Variants in ZC3H12D observed in about 807,000 individuals in gnomAD.
ZC3H12D encodes zinc finger CCCH-type containing 12D, also known as probable ribonuclease ZC3H12D.
Under a neutral mutation model 24.2 loss-of-function variants are expected in ZC3H12D, and 11 were observed. That is an observed-to-expected ratio of 0.46 (90% CI 0.29 to 0.75). The LOEUF (loss-of-function observed/expected upper bound fraction) is 0.75. ZC3H12D is among the 30% of genes least tolerant of loss of function. The probability of loss-of-function intolerance (pLI) is 0.11; values close to 1 mark genes in which losing one functional copy is unlikely to be tolerated. For missense variants in ZC3H12D, 740 were observed against 767.7 expected, an observed-to-expected ratio of 0.96 and a Z score of 0.43; for synonymous variants, 333 against 341.8, an observed-to-expected ratio of 0.97 and a Z score of 0.28.
At chr6:149,475,083 A>G (rs1776314956) in intron 1 of ZC3H12D, among the ~76,000 whole-genome samples, 1 of 152,204 alleles carries the variant, frequency 6.6e-6, no homozygotes, top group East Asian at 1.9e-4. Context: ...AAATTTGAAC[A>G]CATAACACAC....
chr6:149,456,623 G>GGGGGA lies in ZC3H12D; in HGVS notation c.680+42_680+43insTCCCC. The GGGGGA allele has an allele frequency of 1.3e-6, 1 of 744,590 alleles. No individual in the cohort carries two copies. Among genetic ancestry groups the GGGGGA allele is most frequent in the Non-Finnish European group, 2.2e-6 (1 of 456,108 alleles). 46.1% of individuals were successfully genotyped at this position (744,590 alleles called of 1,614,324 possible). A position where few individuals can be genotyped will look rare whatever the true frequency, so the allele number is the denominator to read the frequency against. Reference sequence around the variant, plus strand: ...GCCACTGCCTCGACCCCGGCCCCCCGCCCCGCCGCCCCCCAGGGTGTCAGG... The same window carrying GGGGGA: ...GCCACTGCCTCGACCCCGGCCCCCCGGGGGACCCCGCCGCCCCCCAGGGTGTCAGG... On this transcript the variant is annotated intron_variant, in intron 4 of 5. Coordinates refer to ENST00000409806, the MANE Select transcript of ZC3H12D (RefSeq NM_207360.3). This position sits in a 1 kb window ranked among gnomAD's most constrained non-coding sequence, Gnocchi z 4.3.
intron 5 of ZC3H12D, among the ~76,000 whole-genome samples, chr6:149,451,934 G>A (rs1775905034): frequency 6.6e-6 from 1 of 152,212 alleles, no homozygotes; most frequent in Admixed American, 6.5e-5. Context: ...ACCGTTCTCC[G>A]TGTTCGCTGT....
chr6:149,474,757 A>G (rs1449911820), intron 1 of ZC3H12D, 144 bp from the exon 2 acceptor site: 17 of 425,800 alleles, frequency 4.0e-5, no homozygotes, highest in South Asian at 1.7e-4. Flanking sequence ...CAGTTGCTCA[A>G]TGTGGCTGTG....
chr6:149,458,111 C>CTTTTTTTTTTCTTTTTTTTTTT (rs1776013561), intron 3 of ZC3H12D, among the ~76,000 whole-genome samples: 1 of 80,240 alleles, frequency 1.2e-5, no homozygotes, highest in Non-Finnish European at 2.4e-5. Flanking sequence ...CTTTCTTTTT[C>CTTTTTTTTTTCTTTTTTTTTTT]TTTTTTTTTT....
At chr6:149,473,831 C>T (rs1006484008) in intron 2 of ZC3H12D, among the ~76,000 whole-genome samples, 2 of 152,064 alleles carry the variant, frequency 1.3e-5, no homozygotes, top group Non-Finnish European at 2.9e-5. Context: ...GTCTCGCAGC[C>T]GGTTAGGGAC....
At chr6:149,474,895 G>A (rs1157406710) in intron 1 of ZC3H12D, among the ~76,000 whole-genome samples, 1 of 152,192 alleles carries the variant, frequency 6.6e-6, no homozygotes, top group Non-Finnish European at 1.5e-5. Context: ...CTAGCACTCG[G>A]GACAGGCCAA....
Position 149,450,517 on chromosome 6 carries a change from G to A in ZC3H12D, c.*166C>T. 1 of 710,728 alleles carries A rather than the reference G, an allele frequency of 1.4e-6. No homozygotes were observed. Among genetic ancestry groups the A allele is most frequent in the East Asian group, 3.0e-5 (1 of 33,196 alleles). 44.0% of individuals were successfully genotyped at this position (710,728 alleles called of 1,614,324 possible). On this transcript the variant is annotated 3_prime_UTR_variant, in exon 6 of 6. Coordinates refer to ENST00000409806, the MANE Select transcript of ZC3H12D (RefSeq NM_207360.3). ...AGTGAGGATCACCAAGTGCCACCAG[G>A]CCCCCACAACCCCGCTCAGGAGGAG... is the stretch of plus-strand genomic sequence containing the variant.
Position 149,450,958 on chromosome 6 carries a change from A to C in ZC3H12D, c.1309T>G (p.Trp437Gly). ...LSPRRPPDDP[W>G]ARPPRSDRFP... ...CGGTCGGAGCGGGGTGGACGGGCCC[A>C]CGGGTCGTCGGGTGGCCTGCGCGGG... is the stretch of plus-strand genomic sequence containing the variant. The change falls in exon 6 of 6, where the codon TGG becomes GGG. Residue 437 changes from tryptophan (W) to glycine (G), a missense_variant. By Grantham distance (184) the Trp-to-Gly change is radical. Transcript: ENST00000409806. The C allele has an allele frequency of 1.3e-6, 2 of 1,530,884 alleles. No individual in the cohort carries two copies. The highest frequency in any genetic ancestry group is 1.8e-6 in the Non-Finnish European group (2 of 1,141,096). 94.8% of individuals were successfully genotyped at this position (1,530,884 alleles called of 1,614,324 possible). A position where few individuals can be genotyped will look rare whatever the true frequency, so the allele number is the denominator to read the frequency against.
Position 149,459,699 on chromosome 6 carries a change from C to T in ZC3H12D, c.445+2132G>A, listed in dbSNP as rs566301394. The T allele has an allele frequency of 5.6e-5, 40 of 717,828 alleles. 1 individual carries two copies. The highest frequency in any genetic ancestry group is 3.8e-4 in the African/African-American group (22 of 57,382). The allele number at this position is 717,828 out of a possible 1,614,324, so 44.5% of individuals were successfully genotyped here. On this transcript the variant is annotated intron_variant, in intron 3 of 5. Transcript: ENST00000409806. Reference sequence around the variant, plus strand: ...TATCCCTATAAAGAAAGTGAAGCTACAACTAGGAAGGAAGAAGCCTCCCAT... The same window carrying T: ...TATCCCTATAAAGAAAGTGAAGCTATAACTAGGAAGGAAGAAGCCTCCCAT...
At chr6:149,483,716 T>G (rs1453423330) in intron 1 of ZC3H12D, among the ~76,000 whole-genome samples, 3 of 151,922 alleles carry the variant, frequency 2.0e-5, no homozygotes, top group East Asian at 1.9e-4. Flanking sequence ...GCTGGCAGGG[T>G]TTTTTTTATT....
rs908568014 is a variant in ZC3H12D, at chr6:149,452,522, G to T, written c.787+94C>A. ...CAGAACTTGGGCAAGAGCCCAGGCC[G>T]CTGAGCACCAGGCCAGCGCTTTTTG... On this transcript the variant is annotated intron_variant, in intron 5 of 5. Coordinates refer to ENST00000409806, the MANE Select transcript of ZC3H12D (RefSeq NM_207360.3). This position sits in a 1 kb window ranked among gnomAD's most constrained non-coding sequence, Gnocchi z 4.0. The T allele has an allele frequency of 2.8e-6, 3 of 1,069,404 alleles. No individual in the cohort carries two copies. Among genetic ancestry groups the T allele is most frequent in the Admixed American group, 3.4e-5 (1 of 29,684 alleles). 66.2% of individuals were successfully genotyped at this position (1,069,404 alleles called of 1,614,324 possible).
Position 149,451,315 on chromosome 6 carries a change from C to G in ZC3H12D, c.952G>C (p.Ala318Pro). Residue 318 changes from alanine to proline, a missense_variant, in exon 6 of 6, where the codon GCC (alanine) becomes CCC (proline). Transcript: ENST00000409806. ...PPRAPGGSAG[A>P]RAAPREPFAH... ...AATGGTTCCCGGGGGGCCGCCCGGGCTCCTGCGGAGCCGCCCGGGGCTCTC... is the reference window on the plus strand; with the variant it reads ...AATGGTTCCCGGGGGGCCGCCCGGGGTCCTGCGGAGCCGCCCGGGGCTCTC... The G allele has an allele frequency of 7.4e-7, 1 of 1,345,834 alleles. No individual in the cohort carries two copies. The highest frequency in any genetic ancestry group is 1.5e-5 in the African/African-American group (1 of 64,744). 83.4% of individuals were successfully genotyped at this position (1,345,834 alleles called of 1,614,324 possible). A position where few individuals can be genotyped will look rare whatever the true frequency, so the allele number is the denominator to read the frequency against.
rs1312800448 is a variant in ZC3H12D at position 149,447,250 on chromosome 6, T to G, written c.*3433A>C. ...CCTCAGTCTTCTTCACGCCTACTTT[T>G]TTTTGTTTTTTGAGACAGAGTCTCA... On this transcript the variant is annotated 3_prime_UTR_variant, in exon 6 of 6. Coordinates refer to ENST00000409806, the MANE Select transcript of ZC3H12D (RefSeq NM_207360.3). 2 of 152,228 alleles carry G rather than the reference T, an allele frequency of 1.3e-5. No homozygotes were observed. Among genetic ancestry groups the G allele is most frequent in the African/African-American group, 4.8e-5 (2 of 41,416 alleles). The allele number at this position is 152,228 out of a possible 1,614,324, so 9.4% of individuals were successfully genotyped here.
rs577956558 is a variant in ZC3H12D at position 149,451,602 on chromosome 6, C to T, written c.788-123G>A. The T allele has an allele frequency of 3.4e-5, 29 of 848,112 alleles. No individual in the cohort carries two copies. The African/African-American group carries it at 4.7e-4, about 14-fold the overall frequency. The allele number at this position is 848,112 out of a possible 1,614,324, so 52.5% of individuals were successfully genotyped here. A position where few individuals can be genotyped will look rare whatever the true frequency, so the allele number is the denominator to read the frequency against. The stretch of plus-strand genomic sequence containing the variant: ...CTCCGTGGAGATTCCTCCAAGCAGG[C>T]CCCCAGGCCGCCGCGGACTCCTCAG... On this transcript the variant is annotated intron_variant, in intron 5 of 5. Coordinates refer to ENST00000409806, the MANE Select transcript of ZC3H12D (RefSeq NM_207360.3).
At chr6:149,473,269 GA>G (rs1776274682) in intron 2 of ZC3H12D, among the ~76,000 whole-genome samples, 1 of 152,242 alleles carries the variant, frequency 6.6e-6, no homozygotes, top group Admixed American at 6.5e-5. Flanking sequence ...ATCCCCAGGG[GA>G]AACTCTCGGA....
In ZC3H12D at chr6:149,450,767, C is replaced by G; in HGVS notation, c.1500G>C (p.Ala500=). ...PRDQVDRVMA[A]FPELSDLARL... Reference sequence around the variant, plus strand: ...TGGCGAGGTCTGAGAGCTCCGGGAACGCGGCCATCACGCGGTCCACCTGGT... The same window carrying G: ...TGGCGAGGTCTGAGAGCTCCGGGAAGGCGGCCATCACGCGGTCCACCTGGT... Residue 500 remains alanine (A), a synonymous_variant, in exon 6 of 6, where the codon GCG becomes GCC. Transcript: ENST00000409806. The G allele has an allele frequency of 6.5e-7, 1 of 1,549,356 alleles. No individual in the cohort carries two copies.
At chr6:149,451,727 C>T (rs1023289095) in intron 5 of ZC3H12D, among the ~76,000 whole-genome samples, 1 of 152,230 alleles carries the variant, frequency 6.6e-6, no homozygotes, top group Non-Finnish European at 1.5e-5. Context: ...GCGCTGAGCA[C>T]ACTCATCCCA....
Position 149,456,651 on chromosome 6 carries a change from C to G in ZC3H12D, c.680+15G>C, listed in dbSNP as rs1315702516. The G allele has an allele frequency of 2.5e-6, 4 of 1,607,346 alleles. No individual in the cohort carries two copies. The African/African-American group carries it at 4.0e-5, about 16-fold the overall frequency. ...CCGCCGCCCCCCAGGGTGTCAGGAC[C>G]CCAGCCGGACCTACCGGTCGTTGAC... On this transcript the variant is annotated intron_variant, in intron 4 of 5. Coordinates refer to ENST00000409806, the MANE Select transcript of ZC3H12D (RefSeq NM_207360.3). This position sits in a 1 kb window ranked among gnomAD's most constrained non-coding sequence, Gnocchi z 4.3.
rs1775835793 is a variant in ZC3H12D at position 149,449,135 on chromosome 6, C to G, written c.*1548G>C. 6.6e-6 allele frequency: 1 copy of G among 152,238 alleles called. No individual in the cohort carries two copies. Among genetic ancestry groups the G allele is most frequent in the Admixed American group, 6.5e-5 (1 of 15,282 alleles). The allele number at this position is 152,238 out of a possible 1,614,324, so 9.4% of individuals were successfully genotyped here. A position where few individuals can be genotyped will look rare whatever the true frequency, so the allele number is the denominator to read the frequency against. On this transcript the variant is annotated 3_prime_UTR_variant, in exon 6 of 6. Coordinates refer to ENST00000409806, the MANE Select transcript of ZC3H12D (RefSeq NM_207360.3). Reference sequence around the variant, plus strand: ...GCACCATCTCACTTCTTAGCCATTGCAAATGAGTAGGCCCTTTCTCCTCAA... The same window carrying G: ...GCACCATCTCACTTCTTAGCCATTGGAAATGAGTAGGCCCTTTCTCCTCAA...
Sources: allele counts gnomAD v4.1 joint callset (sites outside exome capture counted in the v4.1 genomes callset), GRCh38; gene constraint gnomAD v4.1.1; non-coding constraint Gnocchi (gnomAD v3.1); transcripts MANE v1.5; gene names NCBI Gene and HGNC (gene_info 2026-07-23, HGNC 2026-07-21).